The following ESCO2 variants were observed in gnomAD, a reference collection of about 807,000 sequenced individuals.
ESCO2 encodes the protein establishment of sister chromatid cohesion N-acetyltransferase 2.
Under a neutral mutation model 61.7 loss-of-function variants are expected in ESCO2, and 51 were observed. The observed-to-expected ratio is 0.83, with a 90% CI of 0.66 to 1.04. ESCO2 has a LOEUF of 1.04. Ranked by LOEUF, ESCO2 falls within the 50% of genes least tolerant of loss-of-function variation. ESCO2 has a pLI of 0.00. For missense variants in ESCO2, 692 were observed against 686.2 expected (o/e 1.01, Z -0.09); for synonymous variants, 230 against 238.2 (o/e 0.97, Z 0.32).
chr8:27,796,393 AT>A lies in ESCO2; in HGVS notation c.1498-3142del, dbSNP rs1563479078. ...ACTCTTCATTTTGCGAATCTTTTCT[AT>A]TTTTTGAGTCCCTGTTTAATTTATC... On this transcript the variant is annotated intron_variant, in intron 9 of 10. Coordinates refer to ENST00000305188, the MANE Select transcript of ESCO2 (RefSeq NM_001017420.3). Among the ~76,000 whole-genome samples the A allele has an allele frequency of 2.6e-5, 4 of 151,926 alleles. No homozygotes were observed. The South Asian group carries it at 8.3e-4, about 31-fold the overall frequency.
At chr8:27,796,008 G>A (rs2128956839) in intron 9 of ESCO2, among the ~76,000 whole-genome samples, 1 of 151,916 alleles carries the variant, frequency 6.6e-6, no homozygotes, top group East Asian at 1.9e-4. Context: ...AAGAGTTTGA[G>A]GATTAGTATT....
At chr8:27,811,163 A>G (rs1040674732), downstream of ESCO2, 1 of 1,610,984 alleles carries the variant, frequency 6.2e-7, no homozygotes, top group Non-Finnish European at 8.5e-7. Flanking sequence ...TTATGAAGGC[A>G]GGAGCTACAA....
chr8:27,791,091 G>GA (rs199530730), intron 7 of ESCO2, among the ~76,000 whole-genome samples: 2,237 of 151,760 alleles, frequency 0.015, 52 homozygotes, highest in South Asian at 0.071. Context: ...TTTCTCTAGA[G>GA]AAAAAAAATC....
downstream of ESCO2, among the ~76,000 whole-genome samples, chr8:27,813,856 T>C (rs1041153745): frequency 1.3e-5 from 2 of 152,212 alleles, no homozygotes; most frequent in Non-Finnish European, 2.9e-5. Context: ...TTGGCTAATA[T>C]TTTGTTAAGG....
At chr8:27,802,656 T>TATA (rs1491490850) in intron 10 of ESCO2, among the ~76,000 whole-genome samples, 1,996 of 62,612 alleles carry the variant, frequency 0.032, 73 homozygotes, top group Non-Finnish European at 0.043. Context: ...TATATATATA[T>TATA]TATATATATA....
intron 5 of ESCO2, among the ~76,000 whole-genome samples, chr8:27,785,900 A>G (rs1007091417): frequency 3.9e-5 from 6 of 152,216 alleles, no homozygotes; most frequent in African/African-American, 9.6e-5. Flanking sequence ...ATCACATGCT[A>G]TTGAACTATA....
intron 7 of ESCO2, among the ~76,000 whole-genome samples, chr8:27,791,719 A>G (rs986483977): frequency 9.2e-5 from 14 of 152,136 alleles, no homozygotes; most frequent in African/African-American, 3.1e-4. Flanking sequence ...CCGCACCTTT[A>G]CCTCTTTACC....
chr8:27,791,917 T>TTC (rs397817267), intron 7 of ESCO2, 46 bp from the exon 8 acceptor site: 2 of 1,550,462 alleles, frequency 1.3e-6, no homozygotes, highest in Admixed American at 1.7e-5. Flanking sequence ...TGGTTTTTTT[T>TTC]CCTCTTCACA....
At chr8:27,783,513 G>A (rs1210770886) in intron 4 of ESCO2, among the ~76,000 whole-genome samples, 3 of 152,098 alleles carry the variant, frequency 2.0e-5, no homozygotes, top group Non-Finnish European at 2.9e-5. Context: ...TGCTTTCGCT[G>A]TTGTATGTAA....
At chr8:27,796,937 A>T (rs1805309567) in intron 9 of ESCO2, among the ~76,000 whole-genome samples, 1 of 152,078 alleles carries the variant, frequency 6.6e-6, no homozygotes, top group Non-Finnish European at 1.5e-5. Flanking sequence ...CCTGGGCAAC[A>T]TAGTGAGACC....
chr8:27,792,606 T>C (rs1805201897), intron 8 of ESCO2, 62 bp from the exon 9 acceptor site: 1 of 1,491,068 alleles, frequency 6.7e-7, no homozygotes, highest in South Asian at 1.2e-5. Context: ...TGTATATAAA[T>C]ATGTATAGTT....
At chr8:27,802,633 A>ATG (rs1563482351) in intron 10 of ESCO2, among the ~76,000 whole-genome samples, 167 of 53,872 alleles carry the variant, frequency 3.1e-3, no homozygotes, top group Non-Finnish European at 4.7e-3. Flanking sequence ...AAAAAAAAAT[A>ATG]TATATATATA....
chr8:27,795,072 T>C lies in ESCO2; in HGVS notation c.1497+2261T>C, dbSNP rs182019320. ...TTTTTGTGGAAATGCCATTAGAATT[T>C]TGATAGGGATTGCATTGCATTTGTA... On this transcript the variant is annotated intron_variant, in intron 9 of 10. Coordinates refer to ENST00000305188, the MANE Select transcript of ESCO2 (RefSeq NM_001017420.3). 2.9e-4 allele frequency among the ~76,000 whole-genome samples: 44 copies of C among 152,338 alleles called. 1 individual carries two copies. The East Asian group carries it at 8.5e-3, about 29-fold the overall frequency.
Position 27,776,627 on chromosome 8 carries a change from T to C in ESCO2, c.319T>C (p.Ser107Pro). The change falls in exon 3 of 11, where the codon TCT (serine) becomes CCT (proline). Residue 107 changes from serine (S) to proline (P), a missense_variant. By Grantham distance (74) the Ser-to-Pro change is moderately conservative (BLOSUM62 -1). Transcript: ENST00000305188. ...LERKLIKESR[S>P]TCLKTNDEDK... ...GAGAAAGCTGATAAAAGAGAGTAGA[T>C]CTACTTGTCTAAAAACTAATGATGA... 23 of 1,614,042 alleles carry C rather than the reference T, an allele frequency of 1.4e-5. No individual in the cohort carries two copies. Among genetic ancestry groups the C allele is most frequent in the Non-Finnish European group, 1.9e-5 (23 of 1,180,022 alleles).
At chr8:27,777,616 T>G (rs2128951540) in intron 3 of ESCO2, 1 of 154,308 alleles carries the variant, frequency 6.5e-6, no homozygotes, top group African/African-American at 2.4e-5. Flanking sequence ...CATTTTAAGT[T>G]CTCAATAGTT....
intron 3 of ESCO2, chr8:27,779,511 AGTT>A (rs1249400456): frequency 3.3e-5 from 5 of 152,242 alleles, no homozygotes; most frequent in African/African-American, 1.2e-4. Context: ...TATGGCAAAA[AGTT>A]GTCCCTTTCC....
chr8:27,792,122 A>G (rs1249506168), intron 8 of ESCO2, 70 bp downstream of exon 8: 3 of 1,456,340 alleles, frequency 2.1e-6, no homozygotes, highest in African/African-American at 1.4e-5. Flanking sequence ...TTGAAGTGCA[A>G]ACTGCCTTTG....
chr8:27,810,216 T>G, downstream of ESCO2: 1 of 866,524 alleles, frequency 1.2e-6, no homozygotes, highest in Non-Finnish European at 1.9e-6. Flanking sequence ...TATGCCAATT[T>G]TAGAGTCTAA....
At chr8:27,819,653 C>T in the ESCO2 span, among the ~76,000 whole-genome samples, 1 of 152,026 alleles carries the variant, frequency 6.6e-6, no homozygotes, top group Admixed American at 6.5e-5. Flanking sequence ...TATTATGGTG[C>T]AGAGGTACTT....
Sources: allele counts gnomAD v4.1 joint callset (sites outside exome capture counted in the v4.1 genomes callset), GRCh38; gene constraint gnomAD v4.1.1; transcripts MANE v1.5; gene names NCBI Gene and HGNC (gene_info 2026-07-23, HGNC 2026-07-21).